TMEM116: variants seen among roughly 807,000 people sequenced by gnomAD.
TMEM116 encodes transmembrane protein 116.
Under a neutral mutation model 44.3 loss-of-function variants are expected in TMEM116, and 38 were observed. The observed-to-expected ratio is 0.86, with a 90% CI of 0.66 to 1.12. The LOEUF is 1.12. Ranked by LOEUF, TMEM116 falls within the 50% of genes most tolerant of loss-of-function variation. The pLI is 0.00. For missense variants in TMEM116, 354 were observed against 401.7 expected (o/e 0.88, Z 1.01); for synonymous variants, 132 against 144.8 (o/e 0.91, Z 0.64).
At position 111,958,310 on chromosome 12, in the gene TMEM116, A is replaced by T. The variant is rs539969897; in HGVS notation, c.211-14941T>A. 6.6e-3 allele frequency among the ~76,000 whole-genome samples: 712 copies of T among 108,496 alleles called. 10 individuals are homozygous for T. Among genetic ancestry groups the T allele is most frequent in the African/African-American group, 0.029 (664 of 22,824 alleles). 71.2% of individuals were successfully genotyped at this position (108,496 alleles called of 152,430 possible). On this transcript the variant is annotated intron_variant, in intron 4 of 10. Coordinates refer to ENST00000552374, the MANE Select transcript of TMEM116 (RefSeq NM_001193531.2). ...AAAAAAAAAAAAAAAAAAAAAAAAT[A>T]GGAGGCCCACTCAGAGACCCCATCC...
intron 1 of TMEM116, among the ~76,000 whole-genome samples, chr12:112,007,734 A>T (rs906086957): frequency 3.3e-5 from 5 of 151,986 alleles, no homozygotes; most frequent in African/African-American, 1.2e-4. Flanking sequence ...AACAAATCTC[A>T]TGTTGCTCAG....
At chr12:112,000,713 A>C in intron 3 of TMEM116, 2 of 530,166 alleles carry the variant, frequency 3.8e-6, no homozygotes, top group South Asian at 1.4e-5. Flanking sequence ...ATCTCTTCTG[A>C]GTCTCCATTT....
At chr12:111,945,168 C>T (rs533392822) in intron 4 of TMEM116, among the ~76,000 whole-genome samples, 10 of 148,542 alleles carry the variant, frequency 6.7e-5, no homozygotes, top group Non-Finnish European at 1.3e-4. Context: ...TATGGTGAAA[C>T]CCCCATCTCT....
At chr12:111,959,414 G>C (rs1044635417) in intron 4 of TMEM116, among the ~76,000 whole-genome samples, 2 of 152,138 alleles carry the variant, frequency 1.3e-5, no homozygotes, top group Non-Finnish European at 2.9e-5. Context: ...GTAGACCATC[G>C]ACACTACGAA....
intron 4 of TMEM116, among the ~76,000 whole-genome samples, chr12:111,950,283 A>C (rs1324390547): frequency 2.0e-5 from 3 of 152,086 alleles, no homozygotes. Flanking sequence ...CAAGATGAGA[A>C]ATTGATGCCT....
At chr12:111,968,900 G>A (rs2136439437) in intron 4 of TMEM116, among the ~76,000 whole-genome samples, 1 of 150,704 alleles carries the variant, frequency 6.6e-6, no homozygotes, top group South Asian at 2.1e-4. Context: ...GACTGAGACA[G>A]GAGAATCGCT....
intron 4 of TMEM116, among the ~76,000 whole-genome samples, chr12:111,991,524 G>GAGA (rs1565950388): frequency 1.2e-5 from 1 of 83,370 alleles, no homozygotes; most frequent in Non-Finnish European, 2.7e-5. Flanking sequence ...CTCTGTCTCA[G>GAGA]AAAAAAAAAA....
At position 111,932,632 on chromosome 12, in the gene TMEM116, G is replaced by C; in HGVS notation, c.761C>G (p.Thr254Ser). ...PAVILMIIKL[T>S]KPQDTKLHMA... ...GTGAAGCTTGGTGTCCTGTGGCTTAGTCAGCTTTATGATCATTAGAATGAC... is the reference window on the plus strand; with the variant it reads ...GTGAAGCTTGGTGTCCTGTGGCTTACTCAGCTTTATGATCATTAGAATGAC... Residue 254 changes from threonine (T) to serine (S), a missense_variant, in exon 10 of 11, where the codon ACT becomes AGT. Thr to Ser is a moderately conservative substitution (Grantham distance 58, BLOSUM62 1). Coordinates refer to ENST00000552374, the MANE Select transcript of TMEM116 (RefSeq NM_001193531.2). 1 of 1,614,186 alleles carries C rather than the reference G, an allele frequency of 6.2e-7. No individual in the cohort carries two copies.
intron 4 of TMEM116, among the ~76,000 whole-genome samples, chr12:111,966,661 C>T (rs2075003693): frequency 6.6e-6 from 1 of 152,200 alleles, no homozygotes; most frequent in Non-Finnish European, 1.5e-5. Flanking sequence ...GATCTCCTAA[C>T]CTGTTGTTCA....
chr12:111,960,517 A>T (rs1473857659), intron 4 of TMEM116, among the ~76,000 whole-genome samples: 28 of 147,896 alleles, frequency 1.9e-4, no homozygotes, highest in African/African-American at 6.5e-4. Context: ...AAAAAAAAAA[A>T]AGAAACTCAC....
At chr12:111,981,584 G>A (rs77765968) in intron 4 of TMEM116, among the ~76,000 whole-genome samples, 2,331 of 152,230 alleles carry the variant, frequency 0.015, 68 homozygotes, top group African/African-American at 0.053. Context: ...TGGCCTCAAA[G>A]ACAGCATATG....
intron 5 of TMEM116, among the ~76,000 whole-genome samples, chr12:111,940,439 T>C (rs1825078271): frequency 6.8e-6 from 1 of 146,808 alleles, no homozygotes; most frequent in Non-Finnish European, 1.5e-5. Context: ...CACAGCTCAT[T>C]GTGGCCTCAA....
intron 4 of TMEM116, among the ~76,000 whole-genome samples, chr12:111,956,237 A>C (rs935049138): frequency 6.6e-6 from 1 of 152,214 alleles, no homozygotes; most frequent in Non-Finnish European, 1.5e-5. Context: ...AACTGCAGCC[A>C]CATAATAAGG....
intron 4 of TMEM116, among the ~76,000 whole-genome samples, chr12:111,957,550 C>A (rs1319857356): frequency 1.3e-5 from 2 of 151,244 alleles, no homozygotes; most frequent in African/African-American, 4.9e-5. Context: ...GCAGCCCCCG[C>A]CCAGCCAGCC....
At chr12:111,995,753 G>C in intron 3 of TMEM116, among the ~76,000 whole-genome samples, 1 of 151,980 alleles carries the variant, frequency 6.6e-6, no homozygotes, top group East Asian at 1.9e-4. Context: ...TTCTAGGTCA[G>C]GCTCAGTGAC....
intron 1 of TMEM116, chr12:112,006,109 C>G (rs553625960): frequency 4.0e-6 from 1 of 250,996 alleles, no homozygotes; most frequent in South Asian, 1.5e-4. Context: ...TCCTCCTATA[C>G]TGAATCCTGC....
rs1020138873 is a variant in TMEM116, at chr12:112,005,324, G to A, written c.-33-21C>T. The A allele has an allele frequency of 9.3e-6, 12 of 1,286,540 alleles. No individual in the cohort carries two copies. In the East Asian group the frequency reaches 3.1e-4, roughly 34 times the overall value. 79.7% of individuals were successfully genotyped at this position (1,286,540 alleles called of 1,614,324 possible). On this transcript the variant is annotated intron_variant, in intron 1 of 10. Transcript: ENST00000552374. ...AGAACCTAAGCAAAACAAGGAAAAC[G>A]GAATAAAATTAAACCTTTTACATTG...
intron 5 of TMEM116, among the ~76,000 whole-genome samples, chr12:111,940,544 T>TAC (rs201721660): frequency 1.4e-4 from 12 of 84,532 alleles, no homozygotes; most frequent in African/African-American, 5.0e-4. Flanking sequence ...TATATATATA[T>TAC]ACACACACAC....
chr12:111,975,208 G>A (rs995933732), intron 4 of TMEM116, among the ~76,000 whole-genome samples: 17 of 152,312 alleles, frequency 1.1e-4, no homozygotes, highest in African/African-American at 3.4e-4. Flanking sequence ...GCAGTGGCAC[G>A]ATCAGGGTTC....
Sources: allele counts gnomAD v4.1 joint callset (sites outside exome capture counted in the v4.1 genomes callset), GRCh38; gene constraint gnomAD v4.1.1; transcripts MANE v1.5; gene names NCBI Gene and HGNC (gene_info 2026-07-23, HGNC 2026-07-21).